SLC26A7: variants seen among roughly 807,000 people sequenced by gnomAD.
The protein encoded by SLC26A7 is anion exchange transporter.
In SLC26A7, 59 loss-of-function variants were observed where a neutral mutation model predicts 82.5. The ratio of observed to expected loss-of-function variants is 0.72; its 90% CI spans 0.58 to 0.89. The LOEUF is 0.89. Ranked by LOEUF, SLC26A7 falls within the 40% of genes least tolerant of loss-of-function variation. The probability of loss-of-function intolerance (pLI) is 0.00; values close to 1 mark genes in which losing one functional copy is unlikely to be tolerated. For synonymous variants in SLC26A7, 271 were observed against 274.3 expected, an observed-to-expected ratio of 0.99 and a Z score of 0.12; for missense variants, 820 against 793.0, an observed-to-expected ratio of 1.03 and a Z score of -0.41.
At chr8:91,359,567 G>T (rs1813988001) in intron 11 of SLC26A7, among the ~76,000 whole-genome samples, 1 of 152,170 alleles carries the variant, frequency 6.6e-6, no homozygotes, top group Non-Finnish European at 1.5e-5. Context: ...GTGTGAGAAA[G>T]GTGACATGGA....
At chr8:91,318,127 G>A (rs1812691785) in intron 4 of SLC26A7, 89 bp from the exon 5 acceptor site, 1 of 1,114,078 alleles carries the variant, frequency 9.0e-7, no homozygotes, top group Non-Finnish European at 1.3e-6. Context: ...TCTATCAAAT[G>A]AAAATGAGAA....
chr8:91,282,442 C>A (rs913414100), intron 2 of SLC26A7, among the ~76,000 whole-genome samples: 1 of 152,144 alleles, frequency 6.6e-6, no homozygotes, highest in African/African-American at 2.4e-5. Flanking sequence ...CCAAAATCCT[C>A]CTCCTTTCTC....
rs148751565 is a variant in SLC26A7 at position 91,341,510 on chromosome 8, C to A, written c.1026+959C>A. 2.1e-4 allele frequency among the ~76,000 whole-genome samples: 32 copies of A among 152,308 alleles called. No homozygotes were observed. In the East Asian group the frequency reaches 6.2e-3, roughly 29 times the overall value. On this transcript the variant is annotated intron_variant, in intron 8 of 18. Transcript: ENST00000276609. The stretch of plus-strand genomic sequence containing the variant: ...CCTGTGTGTAAATCTCATTCTCACA[C>A]TATGTGACCTTAATCTTCTCTGTGC...
chr8:91,310,634 G>A (rs140823198), intron 4 of SLC26A7, among the ~76,000 whole-genome samples: 62 of 152,308 alleles, frequency 4.1e-4, no homozygotes, highest in Middle Eastern at 6.8e-3. Context: ...GGGCAAAATG[G>A]CAGAGTTTAA....
chr8:91,394,609 T>G, intron 18 of SLC26A7: 10 of 1,159,600 alleles, frequency 8.6e-6, no homozygotes, highest in Non-Finnish European at 1.1e-5. Context: ...TCCTCACCCC[T>G]AGAATAACAT....
Position 91,352,887 on chromosome 8 carries a change from C to T in SLC26A7, c.1219-14C>T, listed in dbSNP as rs376021651. 65 of 1,574,492 alleles carry T rather than the reference C, an allele frequency of 4.1e-5. No homozygotes were observed. Among genetic ancestry groups the T allele is most frequent in the African/African-American group, 2.5e-4 (18 of 73,034 alleles). ...TTTATGTTGCTTCTTCTTCAACTTA[C>T]GTTTTATTTCTAGTGTGTCCTTGCA... On this transcript the variant is annotated splice_polypyrimidine_tract_variant and intron_variant, in intron 10 of 18. Coordinates refer to ENST00000276609, the MANE Select transcript of SLC26A7 (RefSeq NM_052832.4).
chr8:91,323,864 G>A (rs1025815751), intron 5 of SLC26A7, among the ~76,000 whole-genome samples: 1 of 144,304 alleles, frequency 6.9e-6, no homozygotes, highest in Non-Finnish European at 1.5e-5. Flanking sequence ...TGCCACTGAG[G>A]CTGGAGTGCA....
At chr8:91,387,566 GT>G (rs556168171) in intron 15 of SLC26A7, among the ~76,000 whole-genome samples, 30 of 152,118 alleles carry the variant, frequency 2.0e-4, no homozygotes, top group Non-Finnish European at 4.1e-4. Flanking sequence ...TGTCATTAGT[GT>G]TTGATTAAGG....
At chr8:91,351,665 T>A (rs958276885) in intron 9 of SLC26A7, 145 bp from the exon 10 acceptor site, 19 of 607,628 alleles carry the variant, frequency 3.1e-5, no homozygotes, top group Middle Eastern at 2.6e-4. Context: ...ATAATGACAG[T>A]CTAAGCAATT....
At chr8:91,267,977 A>G (rs919776403) in intron 2 of SLC26A7, among the ~76,000 whole-genome samples, 1 of 151,676 alleles carries the variant, frequency 6.6e-6, no homozygotes, top group Non-Finnish European at 1.5e-5. Context: ...GGAATTTTTA[A>G]TTACCTTTTA....
At chr8:91,232,592 A>G (rs1482330386) in intron 2 of SLC26A7, among the ~76,000 whole-genome samples, 1 of 152,238 alleles carries the variant, frequency 6.6e-6, no homozygotes, top group Non-Finnish European at 1.5e-5. Context: ...TAAAAAAATC[A>G]CATTGGTTTG....
intron 2 of SLC26A7, among the ~76,000 whole-genome samples, chr8:91,239,134 G>A (rs1408023665): frequency 2.0e-5 from 3 of 151,984 alleles, no homozygotes; most frequent in Non-Finnish European, 4.4e-5. Flanking sequence ...ACTTTGGGAG[G>A]CCAAGACGGG....
intron 4 of SLC26A7, among the ~76,000 whole-genome samples, chr8:91,305,209 G>A (rs1285436723): frequency 6.6e-6 from 1 of 152,034 alleles, no homozygotes; most frequent in Non-Finnish European, 1.5e-5. Context: ...GCATCACTAT[G>A]TTAAATAACC....
chr8:91,282,375 C>A (rs189697039), intron 2 of SLC26A7, among the ~76,000 whole-genome samples: 1 of 152,268 alleles, frequency 6.6e-6, no homozygotes, highest in East Asian at 1.9e-4. Context: ...CCCTCCCAGG[C>A]AACAGCAGGC....
At chr8:91,304,407 C>G (rs567813805) in intron 4 of SLC26A7, among the ~76,000 whole-genome samples, 1 of 152,136 alleles carries the variant, frequency 6.6e-6, no homozygotes. Flanking sequence ...CTTTCTATCT[C>G]TCTCCTGCCA....
chr8:91,368,897 A>G (rs1437543871), intron 14 of SLC26A7, among the ~76,000 whole-genome samples: 2 of 152,242 alleles, frequency 1.3e-5, no homozygotes, highest in Non-Finnish European at 2.9e-5. Flanking sequence ...AAATAACCAG[A>G]TGGAAATTGT....
intron 2 of SLC26A7, among the ~76,000 whole-genome samples, chr8:91,256,320 G>C (rs1185845978): frequency 1.3e-5 from 2 of 152,066 alleles, no homozygotes; most frequent in Non-Finnish European, 2.9e-5. Flanking sequence ...AAGGTTTGTC[G>C]GCCAAGATGT....
intron 1 of SLC26A7, among the ~76,000 whole-genome samples, chr8:91,213,560 G>C (rs1407311623): frequency 2.0e-5 from 3 of 152,192 alleles, no homozygotes; most frequent in African/African-American, 2.4e-5. Flanking sequence ...AGGAGACCTA[G>C]TCTGTTCCAA....
chr8:91,226,292 C>G (rs1475122659), intron 2 of SLC26A7, among the ~76,000 whole-genome samples: 1 of 152,002 alleles, frequency 6.6e-6, no homozygotes, highest in Admixed American at 6.5e-5. Context: ...TGAAAATAAC[C>G]TAGACAACAA....
Sources: gnomAD v4.1 joint callset for allele counts (sites outside exome capture counted in the v4.1 genomes callset) on GRCh38, gnomAD v4.1.1 for gene constraint, MANE v1.5 for transcripts, NCBI Gene and HGNC (gene_info 2026-07-23, HGNC 2026-07-21) for gene names.